The following COL4A1 variants were observed in gnomAD, a reference collection of about 807,000 sequenced individuals.
COL4A1 encodes the protein collagen alpha-1(IV) chain.
Under a neutral mutation model 216.6 loss-of-function variants are expected in COL4A1, and 40 were observed. The ratio of observed to expected loss-of-function variants is 0.18; its 90% CI spans 0.14 to 0.24. The LOEUF (loss-of-function observed/expected upper bound fraction) is 0.24. Ranked by LOEUF, COL4A1 falls within the 10% of genes least tolerant of loss-of-function variation. COL4A1 has a pLI of 1.00. For missense variants in COL4A1, 1,628 were observed against 2,196.8 expected (o/e 0.74, Z 5.18); for synonymous variants, 839 against 810.7 (o/e 1.03, Z -0.59).
Position 110,227,435 on chromosome 13 carries a change from CAA to C in COL4A1, c.145-13422_145-13421del, listed in dbSNP as rs1880791738. ...ACACACACACACACACAAACACACA[CAA>C]ACACAGAATCAGAAAGAGAGAGAGA... On this transcript the variant is annotated intron_variant, in intron 2 of 51. Transcript: ENST00000375820. 3.3e-5 allele frequency among the ~76,000 whole-genome samples: 5 copies of C among 149,536 alleles called. No individual in the cohort carries two copies. The South Asian group carries it at 6.3e-4, about 19-fold the overall frequency.
intron 49 of COL4A1, among the ~76,000 whole-genome samples, chr13:110,157,962 A>C (rs556527315): frequency 2.4e-4 from 36 of 152,304 alleles, no homozygotes; most frequent in African/African-American, 7.9e-4. Context: ...GTCAAATGTC[A>C]ACATTGCCAA....
Position 110,208,985 on chromosome 13 carries a change from T to C in COL4A1, c.652-95A>G, listed in dbSNP as rs937128482. 2.4e-5 allele frequency: 30 copies of C among 1,242,516 alleles called. No homozygotes were observed. The South Asian group carries it at 2.9e-4, about 12-fold the overall frequency. 77.0% of individuals were successfully genotyped at this position (1,242,516 alleles called of 1,614,324 possible). On this transcript the variant is annotated intron_variant, in intron 11 of 51. Coordinates refer to ENST00000375820, the MANE Select transcript of COL4A1 (RefSeq NM_001845.6). ...ACACAAAATGCAATAAGATGGTAGATTTCAGGCAATAGCTTTGTCCCATAA... is the reference window on the plus strand; with the variant it reads ...ACACAAAATGCAATAAGATGGTAGACTTCAGGCAATAGCTTTGTCCCATAA...
At chr13:110,200,782 T>G (rs1489286909) in intron 20 of COL4A1, 72 bp downstream of exon 20, 4 of 1,445,958 alleles carry the variant, frequency 2.8e-6, no homozygotes, top group Non-Finnish European at 2.9e-6. Context: ...TCGTGATAAA[T>G]TATATATTCA....
chr13:110,269,447 A>C (rs1031807705), intron 1 of COL4A1, among the ~76,000 whole-genome samples: 1 of 152,234 alleles, frequency 6.6e-6, no homozygotes, highest in Non-Finnish European at 1.5e-5. Context: ...AGAAATACAG[A>C]ATCAAAGTAA....
At chr13:110,287,732 T>C (rs1883898213) in intron 1 of COL4A1, among the ~76,000 whole-genome samples, 1 of 152,192 alleles carries the variant, frequency 6.6e-6, no homozygotes, top group African/African-American at 2.4e-5. Flanking sequence ...ACTTCCAATC[T>C]ATATACAAGG....
chr13:110,173,855 G>A, intron 40 of COL4A1, 45 bp downstream of exon 40: 2 of 1,609,520 alleles, frequency 1.2e-6, no homozygotes, highest in Middle Eastern at 1.7e-4. Context: ...GTCTCTGGGA[G>A]TGGACACTGC....
intron 1 of COL4A1, among the ~76,000 whole-genome samples, chr13:110,284,736 C>T (rs34097827): frequency 0.16 from 23,968 of 152,164 alleles, 2,187 homozygotes; most frequent in South Asian, 0.22. Flanking sequence ...CTCGAATGGG[C>T]TTAGTATTCA....
chr13:110,166,459 A>G (rs1309886164), intron 44 of COL4A1, among the ~76,000 whole-genome samples, 156 bp from the exon 45 acceptor site: 7 of 152,236 alleles, frequency 4.6e-5, no homozygotes, highest in Non-Finnish European at 8.8e-5. Flanking sequence ...GCATACCCAT[A>G]TATACACATT....
intron 24 of COL4A1, among the ~76,000 whole-genome samples, chr13:110,191,848 C>T (rs560571417): frequency 5.9e-5 from 9 of 152,334 alleles, no homozygotes; most frequent in Non-Finnish European, 1.0e-4. Context: ...GACGGCACTT[C>T]GGCTCTGCAC....
At chr13:110,188,252 T>C (rs140910934) in intron 24 of COL4A1, among the ~76,000 whole-genome samples, 112 of 152,372 alleles carry the variant, frequency 7.4e-4, no homozygotes, top group East Asian at 1.7e-3. Flanking sequence ...TCACTTAATG[T>C]GAATTTTTTT....
intron 1 of COL4A1, among the ~76,000 whole-genome samples, chr13:110,247,714 A>G (rs1256398044): frequency 6.6e-6 from 1 of 151,662 alleles, no homozygotes; most frequent in East Asian, 1.9e-4. Flanking sequence ...GAGGATGCAA[A>G]AAGAGGAAAG....
chr13:110,160,949 C>A (rs1877053621), intron 49 of COL4A1: 2 of 520,030 alleles, frequency 3.8e-6, no homozygotes, highest in South Asian at 2.0e-5. Context: ...GCTCAAGCAA[C>A]CCTCTCGCCT....
chr13:110,231,093 C>A (rs1881037246), intron 2 of COL4A1, among the ~76,000 whole-genome samples: 1 of 152,244 alleles, frequency 6.6e-6, no homozygotes, highest in Non-Finnish European at 1.5e-5. Context: ...CAGAAAAACA[C>A]ACAGCATTTC....
Position 110,212,420 on chromosome 13 carries a change from T to C in COL4A1, c.384A>G (p.Thr128=), listed in dbSNP as rs1247305231. The change falls in exon 6 of 52, where the codon ACA becomes ACG. Residue 128 remains threonine, a synonymous_variant. Transcript: ENST00000375820. ...AGGGTCTCGGTTCTGGATTTACCTT[T>C]GTGCCATTGCATCCTGGAATACCTG... ...GPPGIPGCNG[T]KGERGPLGPP... is the part of the protein sequence containing the mutation. 5.0e-6 allele frequency: 8 copies of C among 1,613,588 alleles called. No individual in the cohort carries two copies. Among genetic ancestry groups the C allele is most frequent in the African/African-American group, 1.3e-5 (1 of 74,926 alleles).
chr13:110,195,174 T>C, intron 21 of COL4A1, 56 bp from the exon 22 acceptor site: 1 of 1,434,900 alleles, frequency 7.0e-7, no homozygotes, highest in South Asian at 1.1e-5. Flanking sequence ...TACCCTCTCC[T>C]AACTCAACCT....
chr13:110,269,574 C>G (rs373210268), intron 1 of COL4A1, among the ~76,000 whole-genome samples: 5 of 152,032 alleles, frequency 3.3e-5, no homozygotes, highest in African/African-American at 1.2e-4. Flanking sequence ...CTGGAACACA[C>G]TAGGCATATA....
intron 1 of COL4A1, among the ~76,000 whole-genome samples, chr13:110,292,861 G>C (rs1318259594): frequency 6.6e-6 from 1 of 152,154 alleles, no homozygotes; most frequent in African/African-American, 2.4e-5. Context: ...TAAAGGGTCA[G>C]GAGAAACAGG....
intron 2 of COL4A1, among the ~76,000 whole-genome samples, chr13:110,220,853 A>T (rs1880446244): frequency 6.6e-6 from 1 of 152,148 alleles, no homozygotes; most frequent in Admixed American, 6.6e-5. Flanking sequence ...AGAAGTGAAA[A>T]TGCCTTCCTC....
intron 1 of COL4A1, among the ~76,000 whole-genome samples, chr13:110,291,438 G>T (rs998609320): frequency 6.6e-6 from 1 of 152,128 alleles, no homozygotes; most frequent in Non-Finnish European, 1.5e-5. Flanking sequence ...GCACGGGAGC[G>T]CCATTAGTAA....
Sources: allele counts gnomAD v4.1 joint callset (sites outside exome capture counted in the v4.1 genomes callset), GRCh38; gene constraint gnomAD v4.1.1; transcripts MANE v1.5; gene names NCBI Gene and HGNC (gene_info 2026-07-23, HGNC 2026-07-21).